Variants in PLEKHH1 observed in about 807,000 individuals in gnomAD.
PLEKHH1 encodes pleckstrin homology domain-containing family H member 1.
A neutral mutation model predicts 160.0 loss-of-function variants in PLEKHH1; 104 were observed. The ratio of observed to expected loss-of-function variants is 0.65; its 90% CI spans 0.55 to 0.76. The LOEUF (loss-of-function observed/expected upper bound fraction) is 0.76. Among genes scored for constraint, PLEKHH1 ranks in the 30% least tolerant of loss-of-function variants. The pLI is 0.00. For missense variants in PLEKHH1, 1,427 were observed against 1,724.1 expected (o/e 0.83, Z 3.05); for synonymous variants, 619 against 678.4 (o/e 0.91, Z 1.36).
intron 22 of PLEKHH1, 32 bp downstream of exon 22, chr14:67,579,908 C>T (rs747843422): frequency 6.4e-7 from 1 of 1,563,970 alleles, no homozygotes; most frequent in Non-Finnish European, 8.7e-7. Flanking sequence ...AGCTGAGCCC[C>T]TCCCTGCTCA....
At chr14:67,542,036 G>A in intron 2 of PLEKHH1, 43 bp downstream of exon 2, 2 of 1,535,144 alleles carry the variant, frequency 1.3e-6, no homozygotes, top group South Asian at 2.5e-5. Flanking sequence ...ACACGCAGAG[G>A]TTTATGGCAG....
At chr14:67,547,414 A>G (rs2034224129) in intron 2 of PLEKHH1, among the ~76,000 whole-genome samples, 1 of 152,248 alleles carries the variant, frequency 6.6e-6, no homozygotes, top group South Asian at 2.1e-4. Flanking sequence ...TTTCCCTAGC[A>G]GAGCCAAGAC....
At chr14:67,568,764 G>A (rs541096907) in intron 7 of PLEKHH1, among the ~76,000 whole-genome samples, 1 of 152,112 alleles carries the variant, frequency 6.6e-6, no homozygotes, top group East Asian at 1.9e-4. Flanking sequence ...GAGACCCAAG[G>A]GTCTCTAAAA....
At chr14:67,543,504 C>T (rs925857818) in intron 2 of PLEKHH1, among the ~76,000 whole-genome samples, 9 of 152,190 alleles carry the variant, frequency 5.9e-5, no homozygotes, top group African/African-American at 2.2e-4. Flanking sequence ...TGGCCAGAAC[C>T]ACGTAGAGTG....
At chr14:67,558,992 T>C (rs1048081027) in intron 4 of PLEKHH1, among the ~76,000 whole-genome samples, 1 of 152,238 alleles carries the variant, frequency 6.6e-6, no homozygotes, top group African/African-American at 2.4e-5. Flanking sequence ...CTGAAGGCCA[T>C]TGTTTGCCAC....
chr14:67,562,872 C>T lies in PLEKHH1; in HGVS notation c.1241C>T (p.Pro414Leu), dbSNP rs766638458. The T allele has an allele frequency of 5.0e-6, 8 of 1,612,754 alleles. No homozygotes were observed. Among genetic ancestry groups the T allele is most frequent in the East Asian group, 2.2e-5 (1 of 44,872 alleles). ...VELGNKPPTPPLHQFSSWESR... is the reference protein window; with the variant it reads ...VELGNKPPTPLLHQFSSWESR... ...CTGGGTAACAAGCCACCTACACCCC[C>T]GCTGCACCAGTTTTCATCCTGGGTA... The change falls in exon 7 of 29, where the codon CCG (proline) becomes CTG (leucine). Residue 414 changes from proline to leucine, a missense_variant. Coordinates refer to ENST00000329153, the MANE Select transcript of PLEKHH1 (RefSeq NM_020715.3).
At chr14:67,548,750 TAAA>T (rs1224232513) in intron 2 of PLEKHH1, among the ~76,000 whole-genome samples, 1 of 152,204 alleles carries the variant, frequency 6.6e-6, no homozygotes, top group South Asian at 2.1e-4. Flanking sequence ...TTTTGTAGCT[TAAA>T]AACTTCTAAC....
Position 67,587,351 on chromosome 14 carries a change from T to G in PLEKHH1, c.*116T>G. 8.4e-7 allele frequency: 1 copy of G among 1,184,056 alleles called. No individual in the cohort carries two copies. The highest frequency in any genetic ancestry group is 1.3e-6 in the Non-Finnish European group (1 of 793,850). 73.3% of individuals were successfully genotyped at this position (1,184,056 alleles called of 1,614,324 possible). A position where few individuals can be genotyped will look rare whatever the true frequency, so the allele number is the denominator to read the frequency against. ...ACAGCCCCCGGCTACTCTTGTTCTG[T>G]GAAATGTGTATTTTAGTCTCTGTGA... On this transcript the variant is annotated 3_prime_UTR_variant, in exon 29 of 29. Coordinates refer to ENST00000329153, the MANE Select transcript of PLEKHH1 (RefSeq NM_020715.3).
chr14:67,575,685 T>G (rs2035594026), intron 15 of PLEKHH1, 138 bp from the exon 16 acceptor site: 1 of 735,790 alleles, frequency 1.4e-6, no homozygotes, highest in Non-Finnish European at 2.3e-6. Flanking sequence ...CTGGCTGGGA[T>G]GCTATAGTCT....
In PLEKHH1 at chr14:67,587,246, T is replaced by C. The variant is rs1229793360; in HGVS notation, c.*11T>C. 1.2e-6 allele frequency: 2 copies of C among 1,613,456 alleles called. No individual in the cohort carries two copies. Among genetic ancestry groups the C allele is most frequent in the Non-Finnish European group, 1.7e-6 (2 of 1,179,494 alleles). On this transcript the variant is annotated 3_prime_UTR_variant, in exon 29 of 29. Coordinates refer to ENST00000329153, the MANE Select transcript of PLEKHH1 (RefSeq NM_020715.3). ...CCAACGTTGCTGTGAATATTTCTCCTACCCGATTCCCCAACACCACTAGTG... is the reference window on the plus strand; with the variant it reads ...CCAACGTTGCTGTGAATATTTCTCCCACCCGATTCCCCAACACCACTAGTG...
intron 2 of PLEKHH1, among the ~76,000 whole-genome samples, chr14:67,543,250 G>C (rs139039843): frequency 6.6e-6 from 1 of 152,302 alleles, no homozygotes; most frequent in African/African-American, 2.4e-5. Context: ...CTGTTTTATT[G>C]ATAGCTGGAG....
intron 7 of PLEKHH1, among the ~76,000 whole-genome samples, chr14:67,565,895 A>C (rs2035066000): frequency 6.6e-6 from 1 of 152,140 alleles, no homozygotes; most frequent in South Asian, 2.1e-4. Flanking sequence ...TGAGGCAGGC[A>C]GATCACTTGA....
chr14:67,540,948 C>T (rs1181810146), intron 1 of PLEKHH1, among the ~76,000 whole-genome samples: 2 of 152,178 alleles, frequency 1.3e-5, no homozygotes, highest in Non-Finnish European at 2.9e-5. Context: ...CCTGGCTGGA[C>T]ATACTATAGG....
intron 11 of PLEKHH1, among the ~76,000 whole-genome samples, 180 bp downstream of exon 11, chr14:67,572,457 A>C (rs2035436398): frequency 6.6e-6 from 1 of 152,112 alleles, no homozygotes; most frequent in Admixed American, 6.5e-5. Context: ...CACAGACCCC[A>C]CAAGGAAGGA....
At chr14:67,556,258 T>G (rs940814646) in intron 3 of PLEKHH1, among the ~76,000 whole-genome samples, 27 of 152,114 alleles carry the variant, frequency 1.8e-4, no homozygotes, top group African/African-American at 6.0e-4. Flanking sequence ...CTGGACCACT[T>G]GGAATGCGCA....
intron 2 of PLEKHH1, among the ~76,000 whole-genome samples, chr14:67,548,648 G>A (rs2034274368): frequency 6.6e-6 from 1 of 152,162 alleles, no homozygotes; most frequent in Admixed American, 6.5e-5. Flanking sequence ...GGTGAGCCAA[G>A]ATTGTGCCAT....
In PLEKHH1 at chr14:67,576,704, G is replaced by T. The variant is rs2035638363; in HGVS notation, c.2461+201G>T. Among the ~76,000 whole-genome samples, 1 of 152,210 alleles carries T rather than the reference G, an allele frequency of 6.6e-6. No individual in the cohort carries two copies. Among genetic ancestry groups the T allele is most frequent in the Non-Finnish European group, 1.5e-5 (1 of 68,030 alleles). On this transcript the variant is annotated intron_variant, in intron 17 of 28. Transcript: ENST00000329153. The surrounding 1 kb of genome is among the most constrained non-coding windows in gnomAD (Gnocchi z 4.0). ...AGGTGACCACTCTGCATCTGGGGGA[G>T]TTTATCTGGGAAGCAGGCTTTCCAG...
rs750870259 is a variant in PLEKHH1 at position 67,557,308 on chromosome 14, A to C, written c.229A>C (p.Lys77Gln). ...AGAGAAGGTAAAACTATCCAATCTG[A>C]AGAATGTGGACTCTGAGGGGAGCCT... ...MEEKVKLSNL[K>Q]NVDSEGSLHR... Residue 77 changes from lysine to glutamine, a missense_variant, in exon 4 of 29, where the codon AAG (lysine) becomes CAG (glutamine). Physicochemically the swap from Lys to Gln is moderately conservative, Grantham distance 53. This residue lies in a region of PLEKHH1 where 831 missense variants were observed against 929.2 expected (regional missense o/e 0.89). Transcript: ENST00000329153. 35 of 1,613,670 alleles carry C rather than the reference A, an allele frequency of 2.2e-5. No homozygotes were observed. Among genetic ancestry groups the C allele is most frequent in the Non-Finnish European group, 2.8e-5 (33 of 1,179,686 alleles).
At chr14:67,563,495 A>G (rs1354450521) in intron 7 of PLEKHH1, among the ~76,000 whole-genome samples, 4 of 152,058 alleles carry the variant, frequency 2.6e-5, no homozygotes, top group African/African-American at 9.7e-5. Context: ...GTGCAATAGC[A>G]TGATCTTGGC....
Sources: gnomAD v4.1 joint callset for allele counts (sites outside exome capture counted in the v4.1 genomes callset) on GRCh38, gnomAD v4.1.1 for gene constraint, gnomAD v4.1.1 regional missense constraint, Gnocchi (gnomAD v3.1) non-coding constraint, MANE v1.5 for transcripts, NCBI Gene and HGNC (gene_info 2026-07-23, HGNC 2026-07-21) for gene names.